Variants in PACRG observed in about 807,000 individuals in gnomAD.
PACRG encodes the protein parkin coregulated, also known as parkin coregulated gene protein.
PACRG carries 29 observed loss-of-function variants against 29.7 expected under a neutral mutation model. The ratio of observed to expected loss-of-function variants is 0.98; its 90% CI spans 0.73 to 1.33. The LOEUF (loss-of-function observed/expected upper bound fraction) is 1.33, where lower values mean the gene tolerates loss of function less well. Ranked by LOEUF, PACRG falls within the 40% of genes most tolerant of loss-of-function variation. The probability of loss-of-function intolerance (pLI) is 0.00; values close to 1 mark genes in which losing one functional copy is unlikely to be tolerated. For synonymous variants in PACRG, 116 were observed against 118.7 expected (o/e 0.98, Z 0.15); for missense variants, 279 against 316.2 (o/e 0.88, Z 0.89).
intron 2 of PACRG, among the ~76,000 whole-genome samples, chr6:162,905,096 C>CT (rs1366330432): frequency 6.6e-6 from 1 of 152,196 alleles, no homozygotes; most frequent in Non-Finnish European, 1.5e-5. Flanking sequence ...TCCTGGTCCC[C>CT]TGTAAGCCTT....
intron 2 of PACRG, among the ~76,000 whole-genome samples, chr6:162,828,186 T>C (rs1788444882): frequency 6.6e-6 from 1 of 152,228 alleles, no homozygotes; most frequent in South Asian, 2.1e-4. Flanking sequence ...TCTGTGACTT[T>C]TAAATTTTCT....
intron 1 of PACRG, among the ~76,000 whole-genome samples, chr6:162,752,702 G>C (rs188590014): frequency 6.6e-6 from 1 of 152,148 alleles, no homozygotes; most frequent in Non-Finnish European, 1.5e-5. Flanking sequence ...TGTTGAGGAC[G>C]AGAATAATGT....
intron 2 of PACRG, among the ~76,000 whole-genome samples, chr6:163,041,796 G>A (rs139680693): frequency 2.0e-5 from 3 of 152,314 alleles, no homozygotes; most frequent in South Asian, 4.1e-4. Context: ...CTCATAGGAG[G>A]CAGGGGATTT....
At chr6:163,146,926 C>CCA (rs1283012936) in intron 4 of PACRG, among the ~76,000 whole-genome samples, 3 of 152,222 alleles carry the variant, frequency 2.0e-5, no homozygotes, top group Non-Finnish European at 4.4e-5. Flanking sequence ...CATGGTCAGA[C>CCA]CACAGCATGT....
chr6:162,789,908 TGTC>T (rs1784800433), intron 1 of PACRG, among the ~76,000 whole-genome samples: 1 of 152,180 alleles, frequency 6.6e-6, no homozygotes, highest in Admixed American at 6.5e-5. Flanking sequence ...ATTTGAATCA[TGTC>T]GTCCAGGTCT....
intron 2 of PACRG, among the ~76,000 whole-genome samples, chr6:162,900,134 G>T (rs1003241318): frequency 6.6e-6 from 1 of 151,932 alleles, no homozygotes; most frequent in African/African-American, 2.4e-5. Context: ...CCGGAACATC[G>T]TAATGCACCC....
chr6:163,019,528 G>A (rs904309297), intron 2 of PACRG, among the ~76,000 whole-genome samples: 22 of 152,048 alleles, frequency 1.4e-4, no homozygotes, highest in Non-Finnish European at 1.5e-4. Flanking sequence ...TTCAGACCTC[G>A]TCACCACCCG....
Position 163,095,530 on chromosome 6 carries a change from T to C in PACRG, c.613+6122T>C, listed in dbSNP as rs1026308075. On this transcript the variant is annotated intron_variant, in intron 4 of 4. Coordinates refer to ENST00000366888, the MANE Select transcript of PACRG (RefSeq NM_001080379.2). ...TCTCCCAGTTCTGGAGGCTACGAGT[T>C]AAAGATCAAGGTGTGGACAGGGCCA... 7 of 790,550 alleles carry C rather than the reference T, an allele frequency of 8.9e-6. No homozygotes were observed. The South Asian group carries it at 4.1e-4, about 46-fold the overall frequency. 49.0% of individuals were successfully genotyped at this position (790,550 alleles called of 1,614,324 possible).
intron 2 of PACRG, among the ~76,000 whole-genome samples, chr6:162,848,463 G>A (rs1584533038): frequency 6.6e-6 from 1 of 152,332 alleles, no homozygotes; most frequent in East Asian, 1.9e-4. Flanking sequence ...TAGATGAACA[G>A]ATGAAATCGG....
intron 1 of PACRG, among the ~76,000 whole-genome samples, chr6:162,802,439 T>C (rs1785953508): frequency 6.6e-6 from 1 of 152,162 alleles, no homozygotes. Context: ...TGTAAGTGCA[T>C]TGGTTATACA....
chr6:162,904,465 C>A (rs567979116), intron 2 of PACRG, among the ~76,000 whole-genome samples: 1 of 148,366 alleles, frequency 6.7e-6, no homozygotes, highest in African/African-American at 2.4e-5. Flanking sequence ...AGTGAGGGAG[C>A]GAGGGAGGCC....
Position 163,069,209 on chromosome 6 carries a change from T to C in PACRG, c.463+6888T>C, listed in dbSNP as rs913864983. 5.3e-5 allele frequency among the ~76,000 whole-genome samples: 8 copies of C among 150,306 alleles called. No homozygotes were observed. In the South Asian group the frequency reaches 8.4e-4, roughly 16 times the overall value. ...AGGATAGCTATAAATAAGCCCAGAC[T>C]GTGAAGACCGCAATACCTAACTTTT... On this transcript the variant is annotated intron_variant, in intron 3 of 4. Coordinates refer to ENST00000366888, the MANE Select transcript of PACRG (RefSeq NM_001080379.2).
intron 2 of PACRG, among the ~76,000 whole-genome samples, chr6:163,027,170 G>A (rs568421273): frequency 1.4e-4 from 22 of 152,292 alleles, no homozygotes; most frequent in African/African-American, 4.8e-4. Context: ...CTTTTGATCT[G>A]GGCTGGAAAT....
At chr6:162,939,571 C>T (rs1798470139) in intron 2 of PACRG, among the ~76,000 whole-genome samples, 1 of 151,896 alleles carries the variant, frequency 6.6e-6, no homozygotes, top group South Asian at 2.1e-4. Flanking sequence ...TCTTCTTGCT[C>T]TTCTCTACTT....
chr6:163,139,063 G>A (rs58304775), intron 4 of PACRG, among the ~76,000 whole-genome samples: 32,637 of 152,128 alleles, frequency 0.21, 4,984 homozygotes, highest in African/African-American at 0.43. Flanking sequence ...TTGGTGGCTT[G>A]CAGAATGTGT....
At chr6:162,753,264 C>T (rs1315805294) in intron 1 of PACRG, among the ~76,000 whole-genome samples, 2 of 151,960 alleles carry the variant, frequency 1.3e-5, no homozygotes, top group Non-Finnish European at 2.9e-5. Context: ...TCTCCACCCC[C>T]ACCCCACCTC....
chr6:163,300,608 A>C (rs982190529), intron 4 of PACRG, among the ~76,000 whole-genome samples: 8 of 152,230 alleles, frequency 5.3e-5, no homozygotes, highest in African/African-American at 1.9e-4. Context: ...CTGTCAATTC[A>C]GCTACTTATC....
chr6:163,115,274 G>A (rs1815923346), intron 4 of PACRG, among the ~76,000 whole-genome samples: 2 of 152,144 alleles, frequency 1.3e-5, no homozygotes, highest in African/African-American at 4.8e-5. Flanking sequence ...TGAGTAGAGG[G>A]GATGACTCGC....
chr6:163,214,399 T>C (rs1310402779), intron 4 of PACRG, among the ~76,000 whole-genome samples: 1 of 152,112 alleles, frequency 6.6e-6, no homozygotes, highest in Admixed American at 6.5e-5. Flanking sequence ...CTAGACTTTC[T>C]GGTTTTCCAG....
Sources: gnomAD v4.1 joint callset for allele counts (sites outside exome capture counted in the v4.1 genomes callset) on GRCh38, gnomAD v4.1.1 for gene constraint, MANE v1.5 for transcripts, NCBI Gene and HGNC (gene_info 2026-07-23, HGNC 2026-07-21) for gene names.